SLC24A3: variants seen among roughly 807,000 people sequenced by gnomAD.
The protein encoded by SLC24A3 is solute carrier family 24 member 3.
A neutral mutation model predicts 75.8 loss-of-function variants in SLC24A3; 28 were observed. That is an observed-to-expected ratio of 0.37 (90% CI 0.27 to 0.51). The LOEUF (loss-of-function observed/expected upper bound fraction) is 0.51, where lower values mean the gene tolerates loss of function less well. Among genes scored for constraint, SLC24A3 ranks in the 20% least tolerant of loss-of-function variants. The pLI is 0.94. For missense variants in SLC24A3, 663 were observed against 847.8 expected (o/e 0.78, Z 2.71); for synonymous variants, 372 against 334.1 (o/e 1.11, Z -1.24).
intron 2 of SLC24A3, among the ~76,000 whole-genome samples, chr20:19,452,988 C>T (rs1376304962): frequency 2.6e-5 from 4 of 152,158 alleles, no homozygotes; most frequent in South Asian, 4.1e-4. Flanking sequence ...TCAAGACCAG[C>T]GTGGCCAAGA....
intron 2 of SLC24A3, among the ~76,000 whole-genome samples, chr20:19,399,724 G>A (rs1568608324): frequency 6.6e-6 from 1 of 152,182 alleles, no homozygotes; most frequent in African/African-American, 2.4e-5. Flanking sequence ...GCTTTCTGCT[G>A]TTGTTGGATG....
At chr20:19,432,626 G>A (rs938419031) in intron 2 of SLC24A3, among the ~76,000 whole-genome samples, 1 of 152,148 alleles carries the variant, frequency 6.6e-6, no homozygotes, top group East Asian at 1.9e-4. Flanking sequence ...AGAAGCTTGG[G>A]GTCTCTCTTG....
At chr20:19,323,993 T>C (rs1370286560) in intron 2 of SLC24A3, among the ~76,000 whole-genome samples, 2 of 152,140 alleles carry the variant, frequency 1.3e-5, no homozygotes, top group African/African-American at 4.8e-5. Context: ...CCTTGCAAGG[T>C]CGTTGATTGG....
chr20:19,261,138 A>G (rs574600099), intron 1 of SLC24A3, among the ~76,000 whole-genome samples: 1 of 152,274 alleles, frequency 6.6e-6, no homozygotes, highest in African/African-American at 2.4e-5. Flanking sequence ...TGAGGCAAGG[A>G]ATCCCCTTGG....
At chr20:19,323,652 C>T (rs1984769799) in intron 2 of SLC24A3, among the ~76,000 whole-genome samples, 1 of 152,068 alleles carries the variant, frequency 6.6e-6, no homozygotes, top group African/African-American at 2.4e-5. Flanking sequence ...GTGGGTTCAC[C>T]AGGCAGTTAA....
chr20:19,358,305 C>T (rs1054940077), intron 2 of SLC24A3, among the ~76,000 whole-genome samples: 4 of 152,160 alleles, frequency 2.6e-5, no homozygotes, highest in Non-Finnish European at 4.4e-5. Context: ...AGATTGGACT[C>T]AACATCCACC....
At chr20:19,316,272 G>C (rs929690877) in intron 2 of SLC24A3, among the ~76,000 whole-genome samples, 1 of 152,226 alleles carries the variant, frequency 6.6e-6, no homozygotes, top group Non-Finnish European at 1.5e-5. Context: ...GTGGGGGTTT[G>C]AGCAAAGACA....
At chr20:19,517,252 T>C (rs1417276759) in intron 3 of SLC24A3, among the ~76,000 whole-genome samples, 1 of 152,148 alleles carries the variant, frequency 6.6e-6, no homozygotes, top group East Asian at 1.9e-4. Flanking sequence ...GCCGTTAGCA[T>C]CCTGATGCTT....
chr20:19,317,408 C>A (rs1600426026), intron 2 of SLC24A3, among the ~76,000 whole-genome samples: 1 of 152,320 alleles, frequency 6.6e-6, no homozygotes, highest in East Asian at 1.9e-4. Flanking sequence ...CCTCAATTGC[C>A]AAGTGTTACT....
intron 2 of SLC24A3, among the ~76,000 whole-genome samples, chr20:19,442,479 G>C (rs534198502): frequency 6.6e-6 from 1 of 152,002 alleles, no homozygotes; most frequent in Non-Finnish European, 1.5e-5. Context: ...GAATCTTTTC[G>C]TATGCTCATT....
intron 15 of SLC24A3, among the ~76,000 whole-genome samples, chr20:19,711,493 T>TGCACACACGTGCATGCAAAC (rs1321186212): frequency 3.6e-4 from 53 of 145,668 alleles, no homozygotes; most frequent in Admixed American, 3.6e-3. Flanking sequence ...TGCAGGCAAA[T>TGCACACACGTGCATGCAAAC]GCACACACGT....
chr20:19,697,030 A>G, intron 14 of SLC24A3, 119 bp downstream of exon 14: 4 of 508,566 alleles, frequency 7.9e-6, no homozygotes, highest in East Asian at 3.4e-5. Context: ...GAGGGAGAAG[A>G]GAAGGAAAGA....
At chr20:19,660,646 A>G (rs2032316919) in intron 7 of SLC24A3, among the ~76,000 whole-genome samples, 1 of 152,168 alleles carries the variant, frequency 6.6e-6, no homozygotes. Flanking sequence ...TCTTCGGGGT[A>G]GATACCCAGT....
At chr20:19,258,154 T>C (rs1982871596) in intron 1 of SLC24A3, among the ~76,000 whole-genome samples, 1 of 152,230 alleles carries the variant, frequency 6.6e-6, no homozygotes, top group African/African-American at 2.4e-5. Flanking sequence ...AAACAGCTGA[T>C]AGAAGCACCG....
intron 11 of SLC24A3, among the ~76,000 whole-genome samples, 188 bp downstream of exon 11, chr20:19,684,524 G>A (rs1417999832): frequency 6.6e-6 from 1 of 152,172 alleles, no homozygotes; most frequent in East Asian, 1.9e-4. Flanking sequence ...CCCTCCACGT[G>A]TTGAGACATG....
intron 2 of SLC24A3, among the ~76,000 whole-genome samples, chr20:19,448,751 A>G (rs1987430963): frequency 6.6e-6 from 1 of 152,198 alleles, no homozygotes; most frequent in African/African-American, 2.4e-5. Flanking sequence ...GGTGTGGATG[A>G]CACTTGTGCC....
chr20:19,642,306 A>C (rs1296113959), intron 6 of SLC24A3, among the ~76,000 whole-genome samples: 1 of 152,258 alleles, frequency 6.6e-6, no homozygotes, highest in Non-Finnish European at 1.5e-5. Context: ...TGCACACAGT[A>C]ATCTTTTCAT....
At chr20:19,317,606 G>C (rs1210147915) in intron 2 of SLC24A3, among the ~76,000 whole-genome samples, 6 of 152,148 alleles carry the variant, frequency 3.9e-5, no homozygotes, top group Admixed American at 3.9e-4. Flanking sequence ...CCCGCCCCAG[G>C]ACACCTGTTT....
At chr20:19,574,137 G>A (rs368962738) in intron 3 of SLC24A3, among the ~76,000 whole-genome samples, 25 of 152,196 alleles carry the variant, frequency 1.6e-4, no homozygotes, top group Non-Finnish European at 2.5e-4. Context: ...TAAGGCAGGC[G>A]TGTCTCAGAA....
Sources: allele counts gnomAD v4.1 joint callset (sites outside exome capture counted in the v4.1 genomes callset), GRCh38; gene constraint gnomAD v4.1.1; transcripts MANE v1.5; gene names NCBI Gene and HGNC (gene_info 2026-07-23, HGNC 2026-07-21).